The following LPO variants were observed in gnomAD, a reference collection of about 807,000 sequenced individuals.
LPO encodes the protein lactoperoxidase.
A neutral mutation model predicts 68.4 loss-of-function variants in LPO; 70 were observed. That is an observed-to-expected ratio of 1.02 (90% confidence interval 0.84 to 1.25). The LOEUF is 1.25. Among genes scored for constraint, LPO ranks in the 50% most tolerant of loss-of-function variants. The pLI is 0.00. For synonymous variants in LPO, 360 were observed against 357.6 expected (o/e 1.01, Z -0.08); for missense variants, 873 against 908.4 (o/e 0.96, Z 0.50).
chr17:58,249,540 C>T (rs1423711595), intron 5 of LPO, 26 bp from the exon 6 acceptor site: 4 of 1,600,056 alleles, frequency 2.5e-6, no homozygotes, highest in Non-Finnish European at 3.4e-6. Flanking sequence ...CCTGCCGAAG[C>T]TCAGCGAGGA....
chr17:58,258,190 T>C (rs1411943802), intron 9 of LPO, among the ~76,000 whole-genome samples: 4 of 152,234 alleles, frequency 2.6e-5, no homozygotes, highest in Non-Finnish European at 1.5e-5. Flanking sequence ...CCTATGCTTG[T>C]GGGATAGTGC....
chr17:58,244,952 C>T (rs1311612951), intron 3 of LPO, among the ~76,000 whole-genome samples: 3 of 152,106 alleles, frequency 2.0e-5, no homozygotes, highest in Non-Finnish European at 4.4e-5. Flanking sequence ...AGAGGGCAGA[C>T]ATTGAGAAAA....
At chr17:58,249,432 G>T (rs1969914363) in intron 5 of LPO, 134 bp from the exon 6 acceptor site, 2 of 1,356,138 alleles carry the variant, frequency 1.5e-6, no homozygotes, top group Non-Finnish European at 2.0e-6. Flanking sequence ...GCAGTTCAGA[G>T]ACCCCAAATT....
At chr17:58,244,235 C>T in intron 3 of LPO, 154 bp downstream of exon 3, 1 of 646,390 alleles carries the variant, frequency 1.5e-6, no homozygotes, top group Admixed American at 2.3e-5. Flanking sequence ...CCTCCTAGCC[C>T]TCCAAGTACA....
intron 4 of LPO, 46 bp from the exon 5 acceptor site, chr17:58,249,014 T>A (rs781663862): frequency 3.4e-6 from 5 of 1,473,646 alleles, no homozygotes; most frequent in Non-Finnish European, 4.8e-6. Context: ...CGGGTGCCTG[T>A]GAATGGAGAA....
At chr17:58,245,005 A>G (rs1211723995) in intron 3 of LPO, among the ~76,000 whole-genome samples, 1 of 152,128 alleles carries the variant, frequency 6.6e-6, no homozygotes, top group East Asian at 1.9e-4. Context: ...TTTACACTGG[A>G]CCTGGGCTTC....
intron 7 of LPO, chr17:58,251,592 TA>T (rs1490064147): frequency 2.7e-5 from 7 of 255,586 alleles, no homozygotes; most frequent in Middle Eastern, 1.5e-3. Context: ...ACTCAAAGAA[TA>T]AATCGAGGCT....
Position 58,254,160 on chromosome 17 carries a change from G to GATAT in LPO, c.1106-648_1106-647insTATA, listed in dbSNP as rs1567819907. 3.1e-4 allele frequency among the ~76,000 whole-genome samples: 33 copies of GATAT among 107,536 alleles called. No homozygotes were observed. In the South Asian group the frequency reaches 3.4e-3, roughly 11 times the overall value. The allele number at this position is 107,536 out of a possible 152,430, so 70.5% of individuals were successfully genotyped here. A position where few individuals can be genotyped will look rare whatever the true frequency, so the allele number is the denominator to read the frequency against. Reference sequence around the variant, plus strand: ...ATATAGATATATAGATATATAGATAGATAGATAGATAGATAGATAGATAGA... The same window carrying GATAT: ...ATATAGATATATAGATATATAGATAGATATATAGATAGATAGATAGATAGATAGA... On this transcript the variant is annotated intron_variant, in intron 8 of 12. Transcript: ENST00000262290.
At chr17:58,255,876 T>G (rs1473595484) in intron 9 of LPO, among the ~76,000 whole-genome samples, 2 of 152,136 alleles carry the variant, frequency 1.3e-5, no homozygotes, top group Non-Finnish European at 2.9e-5. Context: ...CAATCAACTG[T>G]GTGTGTGTAT....
chr17:58,267,503 G>A lies in LPO; in HGVS notation c.1848G>A (p.Glu616=), dbSNP rs774401602. 1.9e-6 allele frequency: 3 copies of A among 1,614,208 alleles called. No individual in the cohort carries two copies. The highest frequency in any genetic ancestry group is 1.1e-5 in the South Asian group (1 of 91,080). ...ACATCTGGATAGGGGCCATTGCTGAGCCGCTGGTGGAAAGGGGTCGGGTGG... is the reference window on the plus strand; with the variant it reads ...ACATCTGGATAGGGGCCATTGCTGAACCGCTGGTGGAAAGGGGTCGGGTGG... The part of the protein sequence containing the change: ...NIDIWIGAIA[E]PLVERGRVGP... The change falls in exon 12 of 13, where the codon GAG becomes GAA. Residue 616 remains glutamate, a synonymous_variant. Coordinates refer to ENST00000262290, the MANE Select transcript of LPO (RefSeq NM_006151.3).
chr17:58,252,356 C>G lies in LPO; in HGVS notation c.955C>G (p.Arg319Gly), dbSNP rs142966963. ...CAGCTCCGAGCCAAGCCTGGCCAGC[C>G]GCCTCCGCAACCTCAGCAGCCCCCT... Reference protein sequence around the residue: ...VYSSEPSLASRLRNLSSPLGL... With the variant: ...VYSSEPSLASGLRNLSSPLGL... The change falls in exon 8 of 13, where the codon CGC (arginine) becomes GGC (glycine). Residue 319 changes from arginine (R) to glycine (G), a missense_variant. Coordinates refer to ENST00000262290, the MANE Select transcript of LPO (RefSeq NM_006151.3). 3.1e-6 allele frequency: 5 copies of G among 1,614,218 alleles called. No homozygotes were observed. The highest frequency in any genetic ancestry group is 3.4e-6 in the Non-Finnish European group (4 of 1,180,038).
intron 9 of LPO, 151 bp downstream of exon 9, chr17:58,255,122 T>C: frequency 1.4e-6 from 1 of 703,168 alleles, no homozygotes; most frequent in South Asian, 2.0e-5. Context: ...TGTTGTCTCA[T>C]TCTTTGAAAT....
At chr17:58,252,794 C>A (rs1362975764) in intron 8 of LPO, among the ~76,000 whole-genome samples, 1 of 151,930 alleles carries the variant, frequency 6.6e-6, no homozygotes, top group Non-Finnish European at 1.5e-5. Flanking sequence ...GAGGCCGAGG[C>A]AGGCAGATCA....
intron 8 of LPO, 30 bp downstream of exon 8, chr17:58,252,536 A>G: frequency 6.3e-7 from 1 of 1,592,754 alleles, no homozygotes; most frequent in Non-Finnish European, 8.6e-7. Flanking sequence ...AGAAGGGCCC[A>G]AGGACAAGGG....
intron 1 of LPO, among the ~76,000 whole-genome samples, chr17:58,241,500 C>T (rs1252626121): frequency 6.6e-6 from 1 of 152,164 alleles, no homozygotes; most frequent in African/African-American, 2.4e-5. Context: ...CAGATTTCTG[C>T]TAACTCAATG....
intron 3 of LPO, among the ~76,000 whole-genome samples, chr17:58,247,263 GGTGTGCCTA>G (rs1286383521): frequency 4.6e-5 from 7 of 152,258 alleles, no homozygotes; most frequent in African/African-American, 1.2e-4. Context: ...GAGCACTTGA[GGTGTGCCTA>G]GTGCTGCTGA....
chr17:58,247,131 C>G (rs985361682), intron 3 of LPO, among the ~76,000 whole-genome samples: 1 of 152,000 alleles, frequency 6.6e-6, no homozygotes, highest in Non-Finnish European at 1.5e-5. Flanking sequence ...AGATCCACCC[C>G]TGTGTCTGTC....
At chr17:58,246,586 G>A (rs1393149577) in intron 3 of LPO, among the ~76,000 whole-genome samples, 1 of 152,214 alleles carries the variant, frequency 6.6e-6, no homozygotes, top group Non-Finnish European at 1.5e-5. Context: ...GGGCCGGGCG[G>A]GAAAGGAAGG....
In LPO at chr17:58,243,009, C is replaced by G. The variant is rs8178291; in HGVS notation, c.30C>G (p.Leu10=). 7,795 of 1,614,088 alleles carry G rather than the reference C, an allele frequency of 4.8e-3. 310 individuals are homozygous for G. The African/African-American group carries it at 0.091, about 19-fold the overall frequency. MRVLLHLPA[L]LASLILLQAA... ...GGGTCCTTCTCCATCTCCCAGCCCTCCTGGCTTCCCTCATCTTGCTTCAGG... is the reference window on the plus strand; with the variant it reads ...GGGTCCTTCTCCATCTCCCAGCCCTGCTGGCTTCCCTCATCTTGCTTCAGG... Residue 10 remains leucine (L), a synonymous_variant, in exon 2 of 13, where the codon CTC becomes CTG. Coordinates refer to ENST00000262290, the MANE Select transcript of LPO (RefSeq NM_006151.3).
Sources: allele counts gnomAD v4.1 joint callset (sites outside exome capture counted in the v4.1 genomes callset), GRCh38; gene constraint gnomAD v4.1.1; transcripts MANE v1.5; gene names NCBI Gene and HGNC (gene_info 2026-07-23, HGNC 2026-07-21).